GDAP1: variants seen among roughly 807,000 people sequenced by gnomAD.
GDAP1 encodes ganglioside-induced differentiation-associated protein 1.
Under a neutral mutation model 40.1 loss-of-function variants are expected in GDAP1, and 34 were observed. That is an observed-to-expected ratio of 0.85 (90% CI 0.64 to 1.13). GDAP1 has a LOEUF of 1.13. Ranked by LOEUF, GDAP1 falls within the 50% of genes most tolerant of loss-of-function variation. The probability of loss-of-function intolerance (pLI) is 0.00; values close to 1 mark genes in which losing one functional copy is unlikely to be tolerated. For missense variants in GDAP1, 374 were observed against 433.7 expected, an observed-to-expected ratio of 0.86 and a Z score of 1.22; for synonymous variants, 170 against 157.4, an observed-to-expected ratio of 1.08 and a Z score of -0.60.
chr8:74,424,699 T>C (rs1303764032), intron 2 of GDAP1, among the ~76,000 whole-genome samples: 1 of 152,192 alleles, frequency 6.6e-6, no homozygotes, highest in African/African-American at 2.4e-5. Flanking sequence ...GTGTTTCATT[T>C]TGTGAATTTA....
chr8:74,372,645 C>A (rs1809774486), intron 2 of GDAP1, among the ~76,000 whole-genome samples: 1 of 152,102 alleles, frequency 6.6e-6, no homozygotes, highest in African/African-American at 2.4e-5. Flanking sequence ...TGTTTGAGTT[C>A]TTTGTAGATT....
intron 2 of GDAP1, among the ~76,000 whole-genome samples, chr8:74,466,326 G>T (rs1280692844): frequency 1.3e-5 from 2 of 152,148 alleles, no homozygotes; most frequent in South Asian, 2.1e-4. Context: ...TAGCTTTGGA[G>T]GGTTTTAGGG....
downstream of GDAP1, among the ~76,000 whole-genome samples, chr8:74,371,096 T>C (rs1309917787): frequency 1.3e-5 from 2 of 152,220 alleles, no homozygotes; most frequent in Non-Finnish European, 2.9e-5. Context: ...GTCAGCCAAC[T>C]TGATCTCATT....
intron 2 of GDAP1, among the ~76,000 whole-genome samples, chr8:74,456,209 A>C (rs1045962979): frequency 1.7e-4 from 26 of 152,064 alleles, no homozygotes; most frequent in African/African-American, 6.3e-4. Context: ...GAAGTTCATC[A>C]TAGTTCTGTC....
intron 2 of GDAP1, among the ~76,000 whole-genome samples, chr8:74,393,585 A>C (rs1049729870): frequency 1.3e-5 from 2 of 152,232 alleles, no homozygotes; most frequent in African/African-American, 2.4e-5. Context: ...AAGGGGCAGA[A>C]ATTTAAAAAG....
At position 74,366,537 on chromosome 8, in the gene GDAP1, ATTTTC is replaced by A. The variant is rs1809645030; in HGVS notation, c.*2175_*2179del. 2 of 453,858 alleles carry A rather than the reference ATTTTC, an allele frequency of 4.4e-6. No homozygotes were observed. Among genetic ancestry groups the A allele is most frequent in the African/African-American group, 4.0e-5 (2 of 49,988 alleles). The allele number at this position is 453,858 out of a possible 1,614,324, so 28.1% of individuals were successfully genotyped here. A position where few individuals can be genotyped will look rare whatever the true frequency, so the allele number is the denominator to read the frequency against. ...ATTAGCTAAATAGGCACTTATGTGT[ATTTTC>A]TTTTTCATGATTATCGGTGACTGGT... On this transcript the variant is annotated 3_prime_UTR_variant, in exon 6 of 6. Coordinates refer to ENST00000220822, the MANE Select transcript of GDAP1 (RefSeq NM_018972.4).
At chr8:74,482,119 T>TGGG (rs112227784) in intron 2 of GDAP1, among the ~76,000 whole-genome samples, 19 of 70,640 alleles carry the variant, frequency 2.7e-4, no homozygotes, top group Non-Finnish European at 6.3e-4. Flanking sequence ...GGTTTTTTTT[T>TGGG]GGGGGGGGGG....
In GDAP1 at chr8:74,365,000, C is replaced by T. The variant is rs1004316036; in HGVS notation, c.*633C>T. Reference sequence around the variant, plus strand: ...TCAGATGGTCCGCAATTTGAATTACCAAGTGGTAATGGTTCCTTACTGTTT... The same window carrying T: ...TCAGATGGTCCGCAATTTGAATTACTAAGTGGTAATGGTTCCTTACTGTTT... On this transcript the variant is annotated 3_prime_UTR_variant, in exon 6 of 6. Transcript: ENST00000220822. The T allele has an allele frequency of 6.6e-6, 3 of 454,006 alleles. No individual in the cohort carries two copies. Among genetic ancestry groups the T allele is most frequent in the Admixed American group, 4.7e-5 (2 of 42,568 alleles). 28.1% of individuals were successfully genotyped at this position (454,006 alleles called of 1,614,324 possible). A position where few individuals can be genotyped will look rare whatever the true frequency, so the allele number is the denominator to read the frequency against.
At chr8:74,449,701 G>A (rs911795919) in intron 2 of GDAP1, among the ~76,000 whole-genome samples, 1 of 151,632 alleles carries the variant, frequency 6.6e-6, no homozygotes, top group South Asian at 2.1e-4. Context: ...CACTGTTTTT[G>A]TATTTTTATG....
chr8:74,394,191 G>C (rs1810156619), intron 2 of GDAP1, among the ~76,000 whole-genome samples: 1 of 152,112 alleles, frequency 6.6e-6, no homozygotes, highest in Non-Finnish European at 1.5e-5. Flanking sequence ...GCTTGTGCAG[G>C]GAAACTCCCC....
Position 74,426,094 on chromosome 8 carries a change from A to ATATG in GDAP1, c.166-62583_166-62582insATGT, listed in dbSNP as rs1392436862. ...GAATATTGCATATAGGCATGCATGCATGTGCACACACACATAACTTAGTTT... is the reference window on the plus strand; with the variant it reads ...GAATATTGCATATAGGCATGCATGCATATGTGTGCACACACACATAACTTAGTTT... On this transcript the variant is annotated intron_variant, in intron 2 of 2. Coordinates refer to the GDAP1 transcript ENST00000523640. Among the ~76,000 whole-genome samples the ATATG allele has an allele frequency of 1.5e-4, 23 of 152,338 alleles. No individual in the cohort carries two copies. The East Asian group carries it at 3.3e-3, about 22-fold the overall frequency.
At chr8:74,358,515 C>T (rs1394487028) in intron 2 of GDAP1, among the ~76,000 whole-genome samples, 1 of 152,156 alleles carries the variant, frequency 6.6e-6, no homozygotes, top group African/African-American at 2.4e-5. Flanking sequence ...TCAATATTTA[C>T]CATTTAGAAA....
rs7014233 is a variant in GDAP1, at chr8:74,444,152, T to C, written c.166-44526T>C. Among the ~76,000 whole-genome samples, 106 of 150,756 alleles carry C rather than the reference T, an allele frequency of 7.0e-4. 1 individual carries two copies. The South Asian group carries it at 0.022, about 32-fold the overall frequency. On this transcript the variant is annotated intron_variant, in intron 2 of 2. Coordinates refer to the GDAP1 transcript ENST00000523640. The stretch of plus-strand genomic sequence containing the variant: ...TAAGATGAAAACAGCCAACTGTCCA[T>C]GGTGACTGGTGAGTGTGGTGAGAAT...
At chr8:74,374,468 C>T (rs1235922895) in intron 2 of GDAP1, among the ~76,000 whole-genome samples, 1 of 151,736 alleles carries the variant, frequency 6.6e-6, no homozygotes, top group Non-Finnish European at 1.5e-5. Context: ...GCAAATTAAA[C>T]CCAAAACAAG....
rs17258874 is a variant in GDAP1 at position 74,434,369 on chromosome 8, G to A, written c.166-54309G>A. Among the ~76,000 whole-genome samples, 875 of 152,332 alleles carry A rather than the reference G, an allele frequency of 5.7e-3. 5 individuals are homozygous for A. The highest frequency in any genetic ancestry group is 0.017 in the Middle Eastern group (5 of 292). On this transcript the variant is annotated intron_variant, in intron 2 of 2. Coordinates refer to the GDAP1 transcript ENST00000523640. ...TCTTCCTGCATTTGTCAATACAAAT[G>A]CTGATTGGAGTAGGCCACTGAACTG...
At chr8:74,357,114 T>A (rs761522907) in intron 2 of GDAP1, among the ~76,000 whole-genome samples, 1 of 152,172 alleles carries the variant, frequency 6.6e-6, no homozygotes, top group Non-Finnish European at 1.5e-5. Context: ...GCAATCACTA[T>A]ACAGTCTAAG....
At chr8:74,464,938 G>C (rs10088057) in intron 2 of GDAP1, among the ~76,000 whole-genome samples, 1 of 151,860 alleles carries the variant, frequency 6.6e-6, no homozygotes, top group South Asian at 2.1e-4. Flanking sequence ...TTAAGCTGTC[G>C]GCCAGGCATG....
At chr8:74,456,190 A>G (rs1806334490) in intron 2 of GDAP1, among the ~76,000 whole-genome samples, 1 of 151,938 alleles carries the variant, frequency 6.6e-6, no homozygotes, top group Non-Finnish European at 1.5e-5. Flanking sequence ...CAGGCACACT[A>G]ACTAACCTGA....
chr8:74,355,888 T>C (rs941533050), intron 2 of GDAP1, among the ~76,000 whole-genome samples: 3 of 152,148 alleles, frequency 2.0e-5, no homozygotes, highest in Non-Finnish European at 2.9e-5. Flanking sequence ...AGTATGATAT[T>C]AAAATCACGT....
Sources: allele counts gnomAD v4.1 joint callset (sites outside exome capture counted in the v4.1 genomes callset), GRCh38; gene constraint gnomAD v4.1.1; transcripts MANE v1.5; gene names NCBI Gene and HGNC (gene_info 2026-07-23, HGNC 2026-07-21).